Variants in RAPGEF5 observed in about 807,000 individuals in gnomAD.
The protein encoded by RAPGEF5 is M-Ras-regulated GEF.
A neutral mutation model predicts 125.2 loss-of-function variants in RAPGEF5; 65 were observed. The observed-to-expected ratio is 0.52, with a 90% CI of 0.43 to 0.64. RAPGEF5 has a LOEUF of 0.64. Among genes scored for constraint, RAPGEF5 ranks in the 30% least tolerant of loss-of-function variants. RAPGEF5 has a pLI of 0.00. For missense variants in RAPGEF5, 958 were observed against 1,048.1 expected, an observed-to-expected ratio of 0.91 and a Z score of 1.19; for synonymous variants, 391 against 385.9, an observed-to-expected ratio of 1.01 and a Z score of -0.16.
At chr7:22,229,115 T>C (rs1785994964) in intron 8 of RAPGEF5, among the ~76,000 whole-genome samples, 1 of 152,126 alleles carries the variant, frequency 6.6e-6, no homozygotes, top group Non-Finnish European at 1.5e-5. Flanking sequence ...GAACATCCCT[T>C]AAGGAAGAAG....
intron 23 of RAPGEF5, among the ~76,000 whole-genome samples, chr7:22,133,362 G>A (rs1782975795): frequency 6.6e-6 from 1 of 152,160 alleles, no homozygotes; most frequent in Non-Finnish European, 1.5e-5. Flanking sequence ...CGGAAGGTAT[G>A]AGAGAGAAAC....
At chr7:22,319,090 C>T (rs887398877) in intron 1 of RAPGEF5, among the ~76,000 whole-genome samples, 9 of 152,160 alleles carry the variant, frequency 5.9e-5, no homozygotes, top group African/African-American at 1.9e-4. Context: ...ATCCAGGAAA[C>T]AGCACCATCA....
chr7:22,273,158 G>A (rs544820015), intron 6 of RAPGEF5, among the ~76,000 whole-genome samples: 1 of 151,406 alleles, frequency 6.6e-6, no homozygotes, highest in South Asian at 2.1e-4. Context: ...TAAGCATGCT[G>A]TGATGATAAA....
chr7:22,144,694 G>C (rs1251521554), intron 20 of RAPGEF5, among the ~76,000 whole-genome samples: 3 of 152,138 alleles, frequency 2.0e-5, no homozygotes, highest in African/African-American at 7.2e-5. Flanking sequence ...GACGTGTAAT[G>C]ATTCCCACTT....
At chr7:22,319,852 TAA>T (rs369691074) in intron 1 of RAPGEF5, among the ~76,000 whole-genome samples, 1 of 139,624 alleles carries the variant, frequency 7.2e-6, no homozygotes. Flanking sequence ...AAACAAGGTC[TAA>T]AAAAAAAAAA....
intron 9 of RAPGEF5, among the ~76,000 whole-genome samples, chr7:22,200,322 T>C (rs1183904845): frequency 6.6e-6 from 1 of 152,196 alleles, no homozygotes; most frequent in Non-Finnish European, 1.5e-5. Context: ...AGATGTTTTT[T>C]AAAAAGGTCA....
chr7:22,337,003 C>G (rs1413465754), intron 1 of RAPGEF5, among the ~76,000 whole-genome samples: 1 of 152,198 alleles, frequency 6.6e-6, no homozygotes, highest in Non-Finnish European at 1.5e-5. Flanking sequence ...GGTGGTGTCA[C>G]TGCCCAACAT....
intron 20 of RAPGEF5, 92 bp from the exon 21 acceptor site, chr7:22,140,207 C>T: frequency 8.6e-7 from 1 of 1,163,502 alleles, no homozygotes; most frequent in Non-Finnish European, 1.2e-6. Context: ...CCTCCTAGGC[C>T]ACAGAGCTCA....
chr7:22,318,108 G>T (rs1783640152), intron 1 of RAPGEF5, 71 bp from the exon 2 acceptor site: 2 of 1,410,802 alleles, frequency 1.4e-6, no homozygotes, highest in Non-Finnish European at 1.9e-6. Flanking sequence ...GAAAACATAA[G>T]CAACAGTGGC....
chr7:22,313,228 T>A (rs1783513921), intron 3 of RAPGEF5, among the ~76,000 whole-genome samples: 1 of 152,248 alleles, frequency 6.6e-6, no homozygotes, highest in African/African-American at 2.4e-5. Flanking sequence ...TAATTCATAG[T>A]AATGCTACAA....
chr7:22,327,931 TAA>T (rs547005356), intron 1 of RAPGEF5, among the ~76,000 whole-genome samples: 31 of 152,330 alleles, frequency 2.0e-4, no homozygotes, highest in African/African-American at 7.2e-4. Flanking sequence ...TAAAATTATA[TAA>T]AGAGCTTAGA....
chr7:22,276,748 G>T (rs542908970), intron 6 of RAPGEF5, among the ~76,000 whole-genome samples: 2 of 152,188 alleles, frequency 1.3e-5, no homozygotes, highest in African/African-American at 4.8e-5. Flanking sequence ...GTTTCCTGAC[G>T]GTGGGGTGGA....
intron 7 of RAPGEF5, among the ~76,000 whole-genome samples, chr7:22,245,860 T>G (rs928938000): frequency 1.3e-5 from 2 of 152,196 alleles, no homozygotes; most frequent in Non-Finnish European, 1.5e-5. Context: ...CTCCTGGGAC[T>G]GATAAGTGGC....
intron 12 of RAPGEF5, among the ~76,000 whole-genome samples, chr7:22,164,159 C>T (rs182455848): frequency 6.6e-6 from 1 of 152,172 alleles, no homozygotes; most frequent in East Asian, 1.9e-4. Context: ...GAAAGTGAGA[C>T]CTCATCTCTA....
At chr7:22,124,826 T>C (rs1859803) in intron 25 of RAPGEF5, among the ~76,000 whole-genome samples, 105,278 of 151,976 alleles carry the variant, frequency 0.69, 37,037 homozygotes, top group East Asian at 0.9. Context: ...GGAGGTAAGG[T>C]AGACTCAGTC....
At chr7:22,162,146 C>A (rs975349426) in intron 13 of RAPGEF5, among the ~76,000 whole-genome samples, 2 of 152,102 alleles carry the variant, frequency 1.3e-5, no homozygotes, top group Non-Finnish European at 2.9e-5. Flanking sequence ...ACATATTAAG[C>A]TATATCAAAT....
intron 21 of RAPGEF5, 67 bp from the exon 22 acceptor site, chr7:22,137,050 G>A (rs1783102244): frequency 8.1e-7 from 1 of 1,237,544 alleles, no homozygotes. Flanking sequence ...GGCATCGAAG[G>A]GAGTTTTCAT....
intron 7 of RAPGEF5, among the ~76,000 whole-genome samples, chr7:22,258,624 CAAAAAAAAAA>C (rs34352575): frequency 1.5e-4 from 7 of 45,808 alleles, no homozygotes; most frequent in Admixed American, 3.1e-4. Flanking sequence ...AACTCCGTCT[CAAAAAAAAAA>C]AAAAAAAAAA....
intron 11 of RAPGEF5, among the ~76,000 whole-genome samples, chr7:22,187,820 A>AT (rs1355970184): frequency 6.6e-6 from 1 of 152,246 alleles, no homozygotes; most frequent in Non-Finnish European, 1.5e-5. Flanking sequence ...GAAACCTAGA[A>AT]TTGGTCTTTC....
Sources: allele counts gnomAD v4.1 joint callset (sites outside exome capture counted in the v4.1 genomes callset), GRCh38; gene constraint gnomAD v4.1.1; transcripts MANE v1.5; gene names NCBI Gene and HGNC (gene_info 2026-07-23, HGNC 2026-07-21).